Variants in PIK3CA observed in about 807,000 individuals in gnomAD.
The protein encoded by PIK3CA is phosphatidylinositol-4,5-bisphosphate 3-kinase catalytic subunit alpha.
In PIK3CA, 27 loss-of-function variants were observed where a neutral mutation model predicts 138.2. The observed-to-expected ratio is 0.20, with a 90% CI of 0.14 to 0.27. PIK3CA has a LOEUF of 0.27. Ranked by LOEUF, PIK3CA falls within the 10% of genes least tolerant of loss-of-function variation. The pLI is 1.00. For missense variants in PIK3CA, 544 were observed against 1,277.4 expected (o/e 0.43, Z 8.75); for synonymous variants, 358 against 413.2 (o/e 0.87, Z 1.62).
intron 1 of PIK3CA, among the ~76,000 whole-genome samples, chr3:179,155,127 G>A (rs1206193802): frequency 6.6e-6 from 1 of 152,136 alleles, no homozygotes; most frequent in Non-Finnish European, 1.5e-5. Flanking sequence ...CCAGGAGTTA[G>A]CAAGGCTTAG....
rs199927451 is a variant in PIK3CA, at chr3:179,210,197, A to G, written c.1263A>G (p.Pro421=). ...CTTTGTTTTTTAAGGAACACTGTCC[A>G]TTGGCATGGGGAAATATAAACTTGT... ...GRKGAKEEHC[P]LAWGNINLFD... Residue 421 remains proline (P), a synonymous_variant, in exon 8 of 21, where the codon CCA becomes CCG. Transcript: ENST00000263967. The G allele has an allele frequency of 5.2e-5, 83 of 1,583,466 alleles. No homozygotes were observed. Among genetic ancestry groups the G allele is most frequent in the Non-Finnish European group, 6.7e-5 (79 of 1,171,734 alleles).
At chr3:179,162,873 T>G (rs929582479) in intron 1 of PIK3CA, among the ~76,000 whole-genome samples, 1 of 149,174 alleles carries the variant, frequency 6.7e-6, no homozygotes, top group Non-Finnish European at 1.5e-5. Flanking sequence ...AAAAAAAAAG[T>G]GAGAAATTAG....
chr3:179,178,239 G>T (rs1167602337), intron 1 of PIK3CA, among the ~76,000 whole-genome samples: 3 of 136,154 alleles, frequency 2.2e-5, no homozygotes, highest in African/African-American at 8.5e-5. Context: ...GGGTGACCAA[G>T]TGCGACCTTG....
At chr3:179,212,560 C>T (rs530222932) in intron 9 of PIK3CA, among the ~76,000 whole-genome samples, 9 of 151,894 alleles carry the variant, frequency 5.9e-5, no homozygotes, top group Admixed American at 3.3e-4. Context: ...GCCGAGATTG[C>T]GCCGCTGCAC....
chr3:179,203,256 AT>A (rs1421899341), intron 4 of PIK3CA, among the ~76,000 whole-genome samples: 1 of 151,320 alleles, frequency 6.6e-6, no homozygotes, highest in African/African-American at 2.4e-5. Context: ...CTTGTTTTTA[AT>A]TCCTTTTTTT....
At chr3:179,181,714 A>C (rs1161350952) in intron 1 of PIK3CA, among the ~76,000 whole-genome samples, 6 of 152,180 alleles carry the variant, frequency 3.9e-5, no homozygotes, top group Admixed American at 3.3e-4. Flanking sequence ...GTTCCTCAAA[A>C]TTAGTATAAG....
intron 20 of PIK3CA, among the ~76,000 whole-genome samples, chr3:179,231,373 A>G (rs1725207220): frequency 6.6e-6 from 1 of 152,068 alleles, no homozygotes; most frequent in African/African-American, 2.4e-5. Context: ...AGAAATCTCC[A>G]TACTGTTTTC....
intron 1 of PIK3CA, among the ~76,000 whole-genome samples, chr3:179,163,443 C>T (rs1309212421): frequency 1.3e-5 from 2 of 152,010 alleles, no homozygotes; most frequent in Non-Finnish European, 2.9e-5. Flanking sequence ...ACTGCTTGAC[C>T]CCCGGAGTTT....
rs1271127335 is a variant in PIK3CA, at chr3:179,220,344, T to G, written c.2015+292T>G. Among the ~76,000 whole-genome samples, 1 of 152,158 alleles carries G rather than the reference T, an allele frequency of 6.6e-6. No individual in the cohort carries two copies. The highest frequency in any genetic ancestry group is 1.5e-5 in the Non-Finnish European group (1 of 68,016). ...GGTCCAGATGAATATTGCTGTAGGT[T>G]TCACTGTGTGTATGGATTACAATAT... On this transcript the variant is annotated intron_variant, in intron 13 of 20. Coordinates refer to ENST00000263967, the MANE Select transcript of PIK3CA (RefSeq NM_006218.4). The surrounding 1 kb of genome is among the most constrained non-coding windows in gnomAD (Gnocchi z 4.1).
intron 15 of PIK3CA, 108 bp from the exon 16 acceptor site, chr3:179,224,592 C>A (rs1002896296): frequency 3.0e-6 from 2 of 661,320 alleles, no homozygotes; most frequent in East Asian, 6.1e-5. Flanking sequence ...AGTTGTAAAT[C>A]TTTGTAACAC....
At chr3:179,233,440 G>C (rs956279318) in intron 20 of PIK3CA, 6 of 392,382 alleles carry the variant, frequency 1.5e-5, no homozygotes, top group African/African-American at 6.3e-5. Context: ...GTATTTATTT[G>C]TGTGATGCTG....
intron 1 of PIK3CA, among the ~76,000 whole-genome samples, chr3:179,170,083 C>T (rs899216115): frequency 6.9e-6 from 1 of 144,434 alleles, no homozygotes; most frequent in African/African-American, 2.8e-5. Context: ...CGCGCACACA[C>T]ACACACACAC....
intron 9 of PIK3CA, among the ~76,000 whole-genome samples, chr3:179,212,508 G>A (rs1211595743): frequency 6.6e-6 from 1 of 151,826 alleles, no homozygotes; most frequent in Non-Finnish European, 1.5e-5. Context: ...GGAGGCTGAG[G>A]CAGGAGAATC....
chr3:179,201,110 T>C (rs1361064154), intron 3 of PIK3CA, among the ~76,000 whole-genome samples, 180 bp from the exon 4 acceptor site: 2 of 152,206 alleles, frequency 1.3e-5, no homozygotes, highest in East Asian at 1.9e-4. Flanking sequence ...GGGAATGATC[T>C]GGCAGCCCGC....
In PIK3CA at chr3:179,226,013, T is replaced by C. The variant is rs1725073303; in HGVS notation, c.2468T>C (p.Ile823Thr). The C allele has an allele frequency of 3.8e-6, 6 of 1,599,300 alleles. No individual in the cohort carries two copies. Among genetic ancestry groups the C allele is most frequent in the Non-Finnish European group, 5.1e-6 (6 of 1,167,902 alleles). The stretch of plus-strand genomic sequence containing the variant: ...CAAATTATTCGTATTATGGAAAATA[T>C]CTGGCAAAATCAAGGTCTTGATCTT... ...TLQIIRIMENIWQNQGLDLRM... is the reference protein window; with the variant it reads ...TLQIIRIMENTWQNQGLDLRM... Residue 823 changes from isoleucine to threonine, a missense_variant, in exon 17 of 21, where the codon ATC (isoleucine) becomes ACC (threonine). Transcript: ENST00000263967.
chr3:179,194,756 T>G (rs2108381761), intron 1 of PIK3CA, among the ~76,000 whole-genome samples: 1 of 152,304 alleles, frequency 6.6e-6, no homozygotes, highest in East Asian at 1.9e-4. Flanking sequence ...GTCTATAGGC[T>G]CTCTTACATC....
chr3:179,180,396 A>T (rs936740489), intron 1 of PIK3CA, among the ~76,000 whole-genome samples: 1 of 152,210 alleles, frequency 6.6e-6, no homozygotes, highest in African/African-American at 2.4e-5. Context: ...TACTTGTATG[A>T]GTGTTTTTCT....
rs1185141720 is a variant in PIK3CA at position 179,224,926 on chromosome 3, T to TGATAAGG, written c.2416+105_2416+106insGATAAGG. ...ACTACTGAAAGCCATTTAAGGAATATACACATGTGATAAAATATGTAATAT... is the reference window on the plus strand; with the variant it reads ...ACTACTGAAAGCCATTTAAGGAATATGATAAGGACACATGTGATAAAATATGTAATAT... On this transcript the variant is annotated intron_variant, in intron 16 of 20. Coordinates refer to ENST00000263967, the MANE Select transcript of PIK3CA (RefSeq NM_006218.4). 4.5e-6 allele frequency: 3 copies of TGATAAGG among 665,624 alleles called. No individual in the cohort carries two copies. The African/African-American group carries it at 5.4e-5, about 12-fold the overall frequency. 41.2% of individuals were successfully genotyped at this position (665,624 alleles called of 1,614,324 possible).
chr3:179,150,733 C>T (rs961110878), intron 1 of PIK3CA, among the ~76,000 whole-genome samples: 23 of 152,162 alleles, frequency 1.5e-4, no homozygotes, highest in African/African-American at 5.1e-4. Flanking sequence ...AAATCAGTAT[C>T]CCCTTAAAAA....
Sources: allele counts gnomAD v4.1 joint callset (sites outside exome capture counted in the v4.1 genomes callset), GRCh38; gene constraint gnomAD v4.1.1; non-coding constraint Gnocchi (gnomAD v3.1); transcripts MANE v1.5; gene names NCBI Gene and HGNC (gene_info 2026-07-23, HGNC 2026-07-21).